Variants in CDH12 observed in about 807,000 individuals in gnomAD.
CDH12 encodes the protein cadherin-12.
CDH12 carries 41 observed loss-of-function variants against 74.1 expected under a neutral mutation model. The ratio of observed to expected loss-of-function variants is 0.55; its 90% CI spans 0.43 to 0.72. CDH12 has a LOEUF of 0.72. CDH12 is among the 30% of genes least tolerant of loss of function. CDH12 has a pLI of 0.00. For synonymous variants in CDH12, 399 were observed against 355.0 expected (o/e 1.12, Z -1.39); for missense variants, 945 against 977.2 (o/e 0.97, Z 0.44).
intron 1 of CDH12, among the ~76,000 whole-genome samples, chr5:22,551,924 A>G (rs1738593429): frequency 6.6e-6 from 1 of 152,132 alleles, no homozygotes; most frequent in African/African-American, 2.4e-5. Context: ...TTACATCACA[A>G]TCTTACATGA....
intron 1 of CDH12, chr5:22,580,233 T>C: frequency 6.2e-6 from 2 of 321,366 alleles, no homozygotes; most frequent in Non-Finnish European, 1.2e-5. Flanking sequence ...GTCAATCTTC[T>C]AACATCTCCA....
At chr5:22,155,721 A>G (rs1319669105) in intron 4 of CDH12, among the ~76,000 whole-genome samples, 1 of 152,160 alleles carries the variant, frequency 6.6e-6, no homozygotes, top group Non-Finnish European at 1.5e-5. Flanking sequence ...ATACTGTATT[A>G]GCATAAGTCA....
chr5:22,559,509 G>A (rs2126746660), intron 1 of CDH12, among the ~76,000 whole-genome samples: 1 of 152,058 alleles, frequency 6.6e-6, no homozygotes, highest in South Asian at 2.1e-4. Context: ...AAGCCATTTT[G>A]GAAGAGTGCT....
At chr5:22,614,807 T>C (rs1054581078) in intron 1 of CDH12, among the ~76,000 whole-genome samples, 1 of 152,078 alleles carries the variant, frequency 6.6e-6, no homozygotes, top group Non-Finnish European at 1.5e-5. Flanking sequence ...CCTATACATA[T>C]GTACTATGCA....
intron 3 of CDH12, among the ~76,000 whole-genome samples, chr5:22,335,207 A>C (rs1397491072): frequency 6.6e-6 from 1 of 152,128 alleles, no homozygotes; most frequent in Non-Finnish European, 1.5e-5. Context: ...ATGTGCCCCC[A>C]CCCAAATCTC....
At chr5:21,895,631 T>C (rs1212890988) in intron 6 of CDH12, among the ~76,000 whole-genome samples, 4 of 152,184 alleles carry the variant, frequency 2.6e-5, no homozygotes, top group Admixed American at 2.6e-4. Context: ...CAGCTGCTGA[T>C]GTTAGACAGC....
chr5:22,148,771 T>C lies in CDH12; in HGVS notation c.-187+63727A>G, dbSNP rs540389355. Among the ~76,000 whole-genome samples the C allele has an allele frequency of 9.5e-4, 144 of 152,312 alleles. 1 individual carries two copies. The highest frequency in any genetic ancestry group is 3.3e-3 in the African/African-American group (138 of 41,578). On this transcript the variant is annotated intron_variant, in intron 4 of 14. Transcript: ENST00000382254. ...TCTGTCATTGAATGGCCTTCTTTCT[T>C]GTATAACTCCCCTGCATCTTTGTAT...
chr5:22,783,755 G>A (rs1221465816), intron 1 of CDH12, among the ~76,000 whole-genome samples: 3 of 151,996 alleles, frequency 2.0e-5, no homozygotes, highest in Non-Finnish European at 4.4e-5. Flanking sequence ...ATTGTATATG[G>A]GGCTGTGAAA....
chr5:22,397,194 C>A (rs1253964328), intron 3 of CDH12, among the ~76,000 whole-genome samples: 1 of 151,996 alleles, frequency 6.6e-6, no homozygotes, highest in Admixed American at 6.6e-5. Context: ...CACAAATATT[C>A]TCTCAAATAA....
intron 6 of CDH12, among the ~76,000 whole-genome samples, chr5:21,898,990 T>G (rs2150052004): frequency 6.6e-6 from 1 of 152,286 alleles, no homozygotes; most frequent in African/African-American, 2.4e-5. Context: ...TCTCCTGCTT[T>G]CCAGGAAAAC....
intron 1 of CDH12, among the ~76,000 whole-genome samples, chr5:22,588,024 T>TTA (rs1212518606): frequency 9.4e-5 from 14 of 149,368 alleles, no homozygotes; most frequent in Non-Finnish European, 1.5e-4. Context: ...TATATCCATA[T>TTA]TATATATATA....
intron 6 of CDH12, among the ~76,000 whole-genome samples, chr5:21,867,358 AAAAAT>A (rs944374955): frequency 2.6e-5 from 4 of 152,204 alleles, no homozygotes; most frequent in Non-Finnish European, 5.9e-5. Context: ...TTTGTCTCAA[AAAAAT>A]AAAATAAAAT....
chr5:21,871,987 A>G (rs1751649435), intron 6 of CDH12, among the ~76,000 whole-genome samples: 1 of 152,196 alleles, frequency 6.6e-6, no homozygotes, highest in African/African-American at 2.4e-5. Context: ...TAGAGACCCA[A>G]GGGAAAAGAA....
chr5:22,460,713 A>ATTTTTTTTTTTTT lies in CDH12; in HGVS notation c.-428+44544_-428+44556dup, dbSNP rs3039460. ...AGAGAACAGTTGATGATATCTAGCA[A>ATTTTTTTTTTTTT]TTTTTTTTTTTTTTTTTTTTTTTTT... On this transcript the variant is annotated intron_variant, in intron 2 of 14. Transcript: ENST00000382254. Among the ~76,000 whole-genome samples, 47 of 85,608 alleles carry ATTTTTTTTTTTTT rather than the reference A, an allele frequency of 5.5e-4. 3 individuals are homozygous for ATTTTTTTTTTTTT. The highest frequency in any genetic ancestry group is 2.2e-3 in the African/African-American group (44 of 19,772). 56.2% of individuals were successfully genotyped at this position (85,608 alleles called of 152,430 possible). A position where few individuals can be genotyped will look rare whatever the true frequency, so the allele number is the denominator to read the frequency against.
At chr5:22,611,283 GA>G in intron 1 of CDH12, among the ~76,000 whole-genome samples, 1 of 152,196 alleles carries the variant, frequency 6.6e-6, no homozygotes, top group African/African-American at 2.4e-5. Flanking sequence ...TCAGTCAATT[GA>G]AAAACCATTT....
intron 6 of CDH12, among the ~76,000 whole-genome samples, chr5:21,881,174 T>G (rs1034794758): frequency 6.6e-6 from 1 of 152,168 alleles, no homozygotes; most frequent in African/African-American, 2.4e-5. Flanking sequence ...TTCTAAAAAC[T>G]TTATTTTATA....
At chr5:22,836,369 A>G (rs1302841589) in intron 1 of CDH12, among the ~76,000 whole-genome samples, 1 of 151,294 alleles carries the variant, frequency 6.6e-6, no homozygotes, top group African/African-American at 2.4e-5. Context: ...GACTACAGTC[A>G]TGCACCACCA....
At chr5:22,410,104 G>C (rs1211818778) in intron 2 of CDH12, among the ~76,000 whole-genome samples, 2 of 151,834 alleles carry the variant, frequency 1.3e-5, no homozygotes. Flanking sequence ...TACTTTGTTG[G>C]GGCTCAGAGA....
intron 5 of CDH12, among the ~76,000 whole-genome samples, chr5:22,017,698 T>A (rs1236428835): frequency 6.6e-6 from 1 of 151,710 alleles, no homozygotes; most frequent in East Asian, 1.9e-4. Context: ...ATATTGACAG[T>A]AAGTCGATGC....
Sources: gnomAD v4.1 joint callset for allele counts (sites outside exome capture counted in the v4.1 genomes callset) on GRCh38, gnomAD v4.1.1 for gene constraint, MANE v1.5 for transcripts, NCBI Gene and HGNC (gene_info 2026-07-23, HGNC 2026-07-21) for gene names.